The following LACC1 variants were observed in gnomAD, a reference collection of about 807,000 sequenced individuals.
LACC1 encodes the protein purine nucleoside phosphorylase LACC1.
Under a neutral mutation model 34.8 loss-of-function variants are expected in LACC1, and 25 were observed. The observed-to-expected ratio is 0.72, with a 90% CI of 0.52 to 1.00. The LOEUF (loss-of-function observed/expected upper bound fraction) is 1.00, where lower values mean the gene tolerates loss of function less well. Among genes scored for constraint, LACC1 ranks in the 50% least tolerant of loss-of-function variants. The probability of loss-of-function intolerance (pLI) is 0.00; values close to 1 mark genes in which losing one functional copy is unlikely to be tolerated. For synonymous variants in LACC1, 162 were observed against 168.0 expected (o/e 0.96, Z 0.28); for missense variants, 426 against 511.2 (o/e 0.83, Z 1.61).
At chr13:43,890,326 C>A in intron 6 of LACC1, 52 bp downstream of exon 6, 3 of 1,415,078 alleles carry the variant, frequency 2.1e-6, no homozygotes, top group Non-Finnish European at 2.9e-6. Context: ...TCATCCCTCT[C>A]TCCACTTCTC....
Position 43,891,721 on chromosome 13 carries a change from A to T in LACC1, c.*274A>T, listed in dbSNP as rs939839722. 3.8e-4 allele frequency: 92 copies of T among 243,120 alleles called. No individual in the cohort carries two copies. The highest frequency in any genetic ancestry group is 5.7e-4 in the Non-Finnish European group (86 of 151,396). 15.1% of individuals were successfully genotyped at this position (243,120 alleles called of 1,614,324 possible). A position where few individuals can be genotyped will look rare whatever the true frequency, so the allele number is the denominator to read the frequency against. ...TGTTTATTACACAGATCAGGAATAG[A>T]TTTGTTCAGTTCAGTATTTATTGGA... On this transcript the variant is annotated 3_prime_UTR_variant, in exon 7 of 7. Coordinates refer to ENST00000325686, the MANE Select transcript of LACC1 (RefSeq NM_153218.4).
chr13:43,889,574 CCA>C (rs1230237975), intron 5 of LACC1, among the ~76,000 whole-genome samples: 14 of 152,026 alleles, frequency 9.2e-5, no homozygotes, highest in African/African-American at 3.4e-4. Context: ...AAAACTTTAC[CCA>C]GAGTCTGCCT....
intron 4 of LACC1, 74 bp downstream of exon 4, chr13:43,884,010 T>G: frequency 2.3e-6 from 3 of 1,280,126 alleles, no homozygotes; most frequent in Non-Finnish European, 3.3e-6. Flanking sequence ...TTCTTTCTGA[T>G]GGACATGGCA....
chr13:43,882,562 C>CAT (rs1955121018), intron 3 of LACC1, among the ~76,000 whole-genome samples, 199 bp downstream of exon 3: 2 of 26,938 alleles, frequency 7.4e-5, no homozygotes, highest in Non-Finnish European at 2.2e-4. Flanking sequence ...CACACACGTG[C>CAT]AGATATATAT....
At position 43,891,645 on chromosome 13, in the gene LACC1, T is replaced by C. The variant is rs1955572310; in HGVS notation, c.*198T>C. 6 of 646,558 alleles carry C rather than the reference T, an allele frequency of 9.3e-6. No individual in the cohort carries two copies. In the South Asian group the frequency reaches 3.5e-4, roughly 38 times the overall value. 40.1% of individuals were successfully genotyped at this position (646,558 alleles called of 1,614,324 possible). A position where few individuals can be genotyped will look rare whatever the true frequency, so the allele number is the denominator to read the frequency against. On this transcript the variant is annotated 3_prime_UTR_variant, in exon 7 of 7. Coordinates refer to ENST00000325686, the MANE Select transcript of LACC1 (RefSeq NM_153218.4). The stretch of plus-strand genomic sequence containing the variant: ...TAATAACTGACAAAAATCAGTATGT[T>C]GTAGCTAATATGTTTTATGCATGAG...
chr13:43,880,645 G>A (rs112992274), intron 1 of LACC1, among the ~76,000 whole-genome samples: 1,668 of 152,300 alleles, frequency 0.011, 19 homozygotes, highest in South Asian at 0.031. Context: ...TTAAAAACAG[G>A]ACTTTGTCTA....
At position 43,893,861 on chromosome 13, in the gene LACC1, A is replaced by G. The variant is rs1241497159; in HGVS notation, c.*2414A>G. ...TGTTTGAAGTTGGTAAATTTGGAGTATCCTGCAGACACATTTTGCTTTATG... is the reference window on the plus strand; with the variant it reads ...TGTTTGAAGTTGGTAAATTTGGAGTGTCCTGCAGACACATTTTGCTTTATG... On this transcript the variant is annotated 3_prime_UTR_variant, in exon 7 of 7. Coordinates refer to ENST00000325686, the MANE Select transcript of LACC1 (RefSeq NM_153218.4). The G allele has an allele frequency of 6.6e-6, 1 of 152,144 alleles. No homozygotes were observed. Among genetic ancestry groups the G allele is most frequent in the Non-Finnish European group, 1.5e-5 (1 of 67,868 alleles). 9.4% of individuals were successfully genotyped at this position (152,144 alleles called of 1,614,324 possible).
chr13:43,880,370 G>T (rs1466651425), intron 1 of LACC1, among the ~76,000 whole-genome samples: 1 of 152,164 alleles, frequency 6.6e-6, no homozygotes, highest in Non-Finnish European at 1.5e-5. Context: ...AAGCTGCACG[G>T]GGAGAATGAA....
rs147789948 is a variant in LACC1 at position 43,881,103 on chromosome 13, A to G, written c.118A>G (p.Lys40Glu). 27 of 1,614,096 alleles carry G rather than the reference A, an allele frequency of 1.7e-5. No homozygotes were observed. The African/African-American group carries it at 2.4e-4, about 14-fold the overall frequency. ...CCAATACCACCATGCTGCCAAGGCC[A>G]AGTTTCTCTGTATAATGTGTTGCAG... is the stretch of plus-strand genomic sequence containing the variant. ...AVQYHHAAKA[K>E]FLCIMCCSNI... Residue 40 changes from lysine (K) to glutamate (E), a missense_variant, in exon 2 of 7, where the codon AAG becomes GAG. Around this residue, in one of 2 missense-constraint regions of LACC1, gnomAD observed 217 missense variants for 210.9 expected, o/e 1.03. Transcript: ENST00000325686.
rs1566971293 is a variant in LACC1, at chr13:43,891,087, C to T, written c.*2-362C>T. Among the ~76,000 whole-genome samples the T allele has an allele frequency of 2.0e-5, 3 of 152,178 alleles. No individual in the cohort carries two copies. In the South Asian group the frequency reaches 6.2e-4, roughly 32 times the overall value. On this transcript the variant is annotated intron_variant, in intron 6 of 6. Transcript: ENST00000325686. ...ACAGCATGGATAACATAAACCCTGT[C>T]TGTAAACAGTAAAATAAACAGGTAA... is the stretch of plus-strand genomic sequence containing the variant.
At chr13:43,890,815 A>C (rs1267958382) in intron 6 of LACC1, among the ~76,000 whole-genome samples, 1 of 152,264 alleles carries the variant, frequency 6.6e-6, no homozygotes, top group Non-Finnish European at 1.5e-5. Context: ...TTTTTATTTT[A>C]AAATGACAGT....
intron 5 of LACC1, 127 bp downstream of exon 5, chr13:43,889,109 C>G: frequency 1.5e-6 from 1 of 674,056 alleles, no homozygotes. Flanking sequence ...AGCTGACATG[C>G]ACATGTACAC....
upstream of LACC1, chr13:43,879,778 T>TGAGGCGGGGCGAGGCGGGGC (rs1209415415): frequency 0.012 from 1,248 of 103,468 alleles, 77 homozygotes; most frequent in Admixed American, 0.074. Flanking sequence ...GGGGGCGAGG[T>TGAGGCGGGGCGAGGCGGGGC]GAGGCGGGGC....
intron 4 of LACC1, 42 bp from the exon 5 acceptor site, chr13:43,888,713 TTA>T (rs1287438345): frequency 6.7e-7 from 1 of 1,498,640 alleles, no homozygotes; most frequent in Admixed American, 1.7e-5. Context: ...GTGAAATTTT[TTA>T]TGTTTTGACT....
chr13:43,882,391 A>G (rs969646204), intron 3 of LACC1, 28 bp downstream of exon 3: 1 of 1,556,260 alleles, frequency 6.4e-7, no homozygotes, highest in Non-Finnish European at 8.7e-7. Context: ...ATTTTGAAAG[A>G]TCTAAAGTAT....
upstream of LACC1, chr13:43,879,417 C>A (rs553186419): frequency 6.5e-6 from 1 of 152,956 alleles, no homozygotes; most frequent in South Asian, 2.1e-4. Context: ...TGCCCGCTAA[C>A]CCGCCTGGCT....
At chr13:43,886,829 CA>C (rs889227573) in intron 4 of LACC1, among the ~76,000 whole-genome samples, 7 of 151,996 alleles carry the variant, frequency 4.6e-5, no homozygotes. Flanking sequence ...TATCAGATAT[CA>C]AAAAGAATAA....
chr13:43,885,316 A>T (rs1159108437), intron 4 of LACC1, among the ~76,000 whole-genome samples: 1 of 152,216 alleles, frequency 6.6e-6, no homozygotes, highest in Non-Finnish European at 1.5e-5. Context: ...CTAAGCAAAA[A>T]GAATAAAGCT....
chr13:43,879,521 ACTG>A (rs1343460680), upstream of LACC1: 5 of 152,368 alleles, frequency 3.3e-5, no homozygotes, highest in African/African-American at 1.2e-4. Context: ...CAGACCCGGA[ACTG>A]CTGAGGCAGC....
Sources: gnomAD v4.1 joint callset for allele counts (sites outside exome capture counted in the v4.1 genomes callset) on GRCh38, gnomAD v4.1.1 for gene constraint, gnomAD v4.1.1 regional missense constraint, MANE v1.5 for transcripts, NCBI Gene and HGNC (gene_info 2026-07-23, HGNC 2026-07-21) for gene names.